Variants in OR56A3 observed in about 807,000 individuals in gnomAD.
OR56A3 encodes the protein olfactory receptor family 56 subfamily A member 3, also known as olfactory receptor 56A3.
OR56A3 carries 23 observed loss-of-function variants against 17.5 expected under a neutral mutation model. The observed-to-expected ratio is 1.32, with a 90% CI of 0.95 to 1.87. The LOEUF is 1.87. Among genes scored for constraint, OR56A3 ranks in the 40% most tolerant of loss-of-function variants. OR56A3 has a pLI of 0.00. For synonymous variants in OR56A3, 175 were observed against 150.6 expected, an observed-to-expected ratio of 1.16 and a Z score of -1.19; for missense variants, 366 against 380.1, an observed-to-expected ratio of 0.96 and a Z score of 0.31.
the OR56A3 span, chr11:6,002,241 A>T: frequency 6.2e-7 from 1 of 1,614,108 alleles, no homozygotes; most frequent in Non-Finnish European, 8.5e-7. Context: ...GAAGAAGAGG[A>T]TGAGGATGAA....
At chr11:6,009,876 T>G in the OR56A3 span, among the ~76,000 whole-genome samples, 4 of 152,184 alleles carry the variant, frequency 2.6e-5, no homozygotes, top group African/African-American at 9.7e-5. Flanking sequence ...TTGAACCTTC[T>G]TTTTAAATTC....
chr11:5,944,567 C>T (rs564762784), intron 1 of OR56A3, among the ~76,000 whole-genome samples: 1 of 152,352 alleles, frequency 6.6e-6, no homozygotes, highest in South Asian at 2.1e-4. Flanking sequence ...TTCCTATTTT[C>T]ACTGGCTTGG....
chr11:5,994,779 A>T, the OR56A3 span: 3 of 758,280 alleles, frequency 4.0e-6, no homozygotes, highest in Non-Finnish European at 7.2e-6. Flanking sequence ...GTCTTGAAGT[A>T]ATGTCCCCAG....
chr11:5,994,083 C>A, the OR56A3 span: 1 of 483,402 alleles, frequency 2.1e-6, no homozygotes, highest in Non-Finnish European at 4.1e-6. Flanking sequence ...GGGCTTCCTA[C>A]TCGTGGGCCT....
intron 1 of OR56A3, among the ~76,000 whole-genome samples, 190 bp from the exon 2 acceptor site, chr11:5,944,616 C>A (rs776872468): frequency 1.8e-4 from 27 of 152,200 alleles, no homozygotes; most frequent in Non-Finnish European, 3.5e-4. Flanking sequence ...TTCTCCACAG[C>A]TGAACCCTGA....
chr11:6,002,183 T>A, the OR56A3 span: 1 of 1,614,134 alleles, frequency 6.2e-7, no homozygotes, highest in Non-Finnish European at 8.5e-7. Context: ...CTGGAGGAAT[T>A]CTCTTCCTGG....
At chr11:6,013,603 G>A in the OR56A3 span, among the ~76,000 whole-genome samples, 1 of 152,170 alleles carries the variant, frequency 6.6e-6, no homozygotes, top group Non-Finnish European at 1.5e-5. Flanking sequence ...GTGCAGTCCA[G>A]GAACCTAGGG....
the OR56A3 span, among the ~76,000 whole-genome samples, chr11:5,993,206 A>G: frequency 1.3e-5 from 2 of 152,218 alleles, no homozygotes; most frequent in African/African-American, 4.8e-5. Context: ...CTAGAGTTTA[A>G]GCAGGAACTG....
At chr11:5,945,976 A>G (rs1295021864) in intron 2 of OR56A3, among the ~76,000 whole-genome samples, 3 of 152,242 alleles carry the variant, frequency 2.0e-5, no homozygotes, top group African/African-American at 7.2e-5. Context: ...TTTTAAACCT[A>G]CAAAATAACA....
At chr11:5,974,536 G>T in the OR56A3 span, among the ~76,000 whole-genome samples, 1 of 152,266 alleles carries the variant, frequency 6.6e-6, no homozygotes, top group Non-Finnish European at 1.5e-5. Context: ...GCTAGGATTC[G>T]GTTATTCACA....
the OR56A3 span, chr11:6,000,251 G>A: frequency 6.6e-6 from 1 of 151,774 alleles, no homozygotes; most frequent in African/African-American, 2.4e-5. Flanking sequence ...AAGAAAATGT[G>A]GCACATCTAC....
the OR56A3 span, among the ~76,000 whole-genome samples, chr11:6,011,823 A>T: frequency 6.6e-6 from 1 of 152,192 alleles, no homozygotes; most frequent in Admixed American, 6.5e-5. Flanking sequence ...GCCACTCTGC[A>T]GTCAGACATG....
the OR56A3 span, among the ~76,000 whole-genome samples, chr11:5,988,681 G>T: frequency 2.6e-5 from 4 of 152,176 alleles, no homozygotes; most frequent in Non-Finnish European, 5.9e-5. Context: ...CCATGACTCT[G>T]CTTCTCTTTT....
chr11:5,964,678 A>AG, the OR56A3 span, among the ~76,000 whole-genome samples: 1 of 152,226 alleles, frequency 6.6e-6, no homozygotes, highest in Non-Finnish European at 1.5e-5. Flanking sequence ...GTGGTGATGC[A>AG]GGCCAGAATT....
At chr11:6,011,155 C>A in the OR56A3 span, among the ~76,000 whole-genome samples, 1 of 150,408 alleles carries the variant, frequency 6.6e-6, no homozygotes, top group African/African-American at 2.4e-5. Flanking sequence ...CACTAACTAG[C>A]AAATTACTTT....
the OR56A3 span, chr11:5,986,599 C>T: frequency 1.6e-5 from 26 of 1,613,846 alleles, no homozygotes; most frequent in Middle Eastern, 3.3e-4. Context: ...GACGATGTAC[C>T]CAATCTCGTG....
the OR56A3 span, among the ~76,000 whole-genome samples, chr11:5,999,268 A>G: frequency 1.3e-5 from 2 of 152,226 alleles, no homozygotes; most frequent in African/African-American, 4.8e-5. Context: ...AAGGTGTGCA[A>G]TAACGGTCAG....
At chr11:5,974,330 C>T in the OR56A3 span, among the ~76,000 whole-genome samples, 5 of 152,126 alleles carry the variant, frequency 3.3e-5, no homozygotes, top group South Asian at 4.1e-4. Flanking sequence ...TGGTCTTGAA[C>T]TCCTGACCTC....
chr11:5,983,737 T>C, the OR56A3 span, among the ~76,000 whole-genome samples: 1 of 152,304 alleles, frequency 6.6e-6, no homozygotes, highest in African/African-American at 2.4e-5. Flanking sequence ...GGAAGAAGGG[T>C]CACTAATACA....
Sources: gnomAD v4.1 joint callset for allele counts (sites outside exome capture counted in the v4.1 genomes callset) on GRCh38, gnomAD v4.1.1 for gene constraint, MANE v1.5 for transcripts, NCBI Gene and HGNC (gene_info 2026-07-23, HGNC 2026-07-21) for gene names.